The following GPC3 variants were observed in gnomAD, a reference collection of about 807,000 sequenced individuals.
The protein encoded by GPC3 is glypican-3.
Under a neutral mutation model 34.4 loss-of-function variants are expected in GPC3, and 3 were observed. That is an observed-to-expected ratio of 0.09 (90% CI 0.04 to 0.23). The LOEUF (loss-of-function observed/expected upper bound fraction) is 0.23, where lower values mean the gene tolerates loss of function less well. GPC3 is among the 10% of genes least tolerant of loss of function. The pLI is 1.00. For missense variants in GPC3, 351 were observed against 445.6 expected (o/e 0.79, Z 1.91); for synonymous variants, 177 against 174.0 (o/e 1.02, Z -0.13).
At chrX:133,694,216 G>A (rs1438944137) in intron 4 of GPC3, among the ~76,000 whole-genome samples, 1 of 110,939 alleles carries the variant, frequency 9.0e-6, no homozygotes, top group African/African-American at 3.3e-5. Flanking sequence ...GGAGAGAAAG[G>A]GCTCTCAGCA....
At chrX:133,964,389 C>CA (rs1200221699) in intron 1 of GPC3, among the ~76,000 whole-genome samples, 1 of 111,653 alleles carries the variant, frequency 9.0e-6, no homozygotes, top group Non-Finnish European at 1.9e-5. Context: ...ACAGATCCTG[C>CA]AAAAAGGTTT....
At position 133,580,975 on chromosome X, in the gene GPC3, G is replaced by A. The variant is rs1344109632; in HGVS notation, c.1573+15465C>T. On this transcript the variant is annotated intron_variant, in intron 7 of 7. Coordinates refer to ENST00000370818, the MANE Select transcript of GPC3 (RefSeq NM_004484.4). ...AAAATGATTACTGAGCCAACAAAAT[G>A]TAACCTGATATTAGGAGTTCCACTC... Among the ~76,000 whole-genome samples the A allele has an allele frequency of 3.6e-5, 4 of 112,408 alleles. No individual in the cohort carries two copies. The Admixed American group carries it at 3.8e-4, about 11-fold the overall frequency.
In GPC3 at chrX:133,754,123, T is replaced by C. The variant is rs1295553120; in HGVS notation, c.391A>G (p.Lys131Glu). 1.7e-6 allele frequency: 2 copies of C among 1,208,930 alleles called. No individual in the cohort carries two copies. The highest frequency in any genetic ancestry group is 2.2e-6 in the Non-Finnish European group (2 of 893,954). ...GGAGTCAGGCTTGGGTAGTTGTTCT[T>C]GAACATGGCATTGGTGTAGTTCTTG... ...HAKNYTNAMF[K>E]NNYPSLTPQA... The change falls in exon 3 of 8, where the codon AAG (lysine) becomes GAG (glutamate). Residue 131 changes from lysine to glutamate, a missense_variant. By Grantham distance (56) the Lys-to-Glu change is moderately conservative. Transcript: ENST00000370818.
chrX:133,714,211 A>T (rs2071294739), intron 3 of GPC3, among the ~76,000 whole-genome samples: 1 of 111,851 alleles, frequency 8.9e-6, no homozygotes, highest in African/African-American at 3.2e-5. Flanking sequence ...AATTTTCCTC[A>T]GTCAAACCAG....
At chrX:133,893,716 C>T (rs1042240993) in intron 2 of GPC3, among the ~76,000 whole-genome samples, 1 of 111,619 alleles carries the variant, frequency 9.0e-6, no homozygotes, top group African/African-American at 3.3e-5. Context: ...TCATGTCAGA[C>T]GATGTAAGTG....
At chrX:133,785,847 C>T (rs1013939312) in intron 2 of GPC3, among the ~76,000 whole-genome samples, 2 of 111,993 alleles carry the variant, frequency 1.8e-5, no homozygotes, top group African/African-American at 3.3e-5. Flanking sequence ...TAAAGTTCAA[C>T]GTATTGTTTC....
At chrX:133,764,641 G>A (rs1348633461) in intron 2 of GPC3, among the ~76,000 whole-genome samples, 1 of 111,878 alleles carries the variant, frequency 8.9e-6, no homozygotes, top group East Asian at 2.8e-4. Flanking sequence ...ACAGAACAGC[G>A]TAGGAGAATC....
chrX:133,575,555 TGG>T (rs2069671297), intron 7 of GPC3, among the ~76,000 whole-genome samples: 1 of 111,871 alleles, frequency 8.9e-6, no homozygotes, highest in Non-Finnish European at 1.9e-5. Context: ...TTATTTTAGC[TGG>T]GGCACTGGAC....
chrX:133,746,323 G>C (rs946937709), intron 3 of GPC3, among the ~76,000 whole-genome samples: 4 of 112,059 alleles, frequency 3.6e-5, no homozygotes, highest in African/African-American at 1.3e-4. Context: ...TAAAAATTCA[G>C]AACATATAAG....
chrX:133,961,703 T>C (rs955294941), intron 1 of GPC3, among the ~76,000 whole-genome samples: 1 of 111,906 alleles, frequency 8.9e-6, no homozygotes, highest in African/African-American at 3.2e-5. Context: ...GAAAATGGAC[T>C]CTCAAATTAA....
At chrX:133,745,171 C>T (rs138752757) in intron 3 of GPC3, among the ~76,000 whole-genome samples, 113 of 112,014 alleles carry the variant, frequency 1.0e-3, no homozygotes, top group African/African-American at 3.5e-3. Context: ...TAAAAAAAGG[C>T]ATTGTTGGCT....
chrX:133,955,472 C>T (rs2076412589), intron 1 of GPC3, among the ~76,000 whole-genome samples: 1 of 111,286 alleles, frequency 9.0e-6, no homozygotes, highest in Admixed American at 9.6e-5. Context: ...CAATAAATCC[C>T]TTGCACATCT....
intron 2 of GPC3, among the ~76,000 whole-genome samples, chrX:133,780,573 T>G (rs2072035866): frequency 1.8e-5 from 2 of 111,553 alleles, no homozygotes; most frequent in Non-Finnish European, 3.8e-5. Flanking sequence ...CTGGTCAGTT[T>G]CATGATAATT....
chrX:133,913,308 G>A (rs1405137922), intron 2 of GPC3, among the ~76,000 whole-genome samples: 1 of 112,087 alleles, frequency 8.9e-6, no homozygotes, highest in African/African-American at 3.2e-5. Flanking sequence ...TGGAACCAAG[G>A]GAAGAGAAAC....
intron 6 of GPC3, among the ~76,000 whole-genome samples, chrX:133,615,426 A>G (rs901377062): frequency 2.7e-5 from 3 of 111,574 alleles, no homozygotes; most frequent in Admixed American, 9.6e-5. Flanking sequence ...ATATTCATAG[A>G]AATATATTAT....
chrX:133,543,720 G>A (rs894402438), intron 7 of GPC3, among the ~76,000 whole-genome samples: 4 of 112,415 alleles, frequency 3.6e-5, no homozygotes, highest in African/African-American at 9.7e-5. Context: ...GGTACATGAA[G>A]CCATCACATG....
intron 7 of GPC3, among the ~76,000 whole-genome samples, chrX:133,554,523 A>T (rs1167526368): frequency 9.1e-6 from 1 of 110,350 alleles, no homozygotes; most frequent in Non-Finnish European, 1.9e-5. Context: ...CACCAGTTTT[A>T]ATCAGTAGTT....
At chrX:133,767,770 G>T (rs1037166431) in intron 2 of GPC3, among the ~76,000 whole-genome samples, 4 of 111,059 alleles carry the variant, frequency 3.6e-5, no homozygotes, top group Non-Finnish European at 7.5e-5. Flanking sequence ...TGGCAGGTGG[G>T]CAGGGGTGGC....
At chrX:133,794,319 C>G (rs754790345) in intron 2 of GPC3, among the ~76,000 whole-genome samples, 4 of 111,789 alleles carry the variant, frequency 3.6e-5, no homozygotes, top group Admixed American at 9.5e-5. Context: ...AAACACAGAA[C>G]AGAGCAGGGC....
Sources: allele counts gnomAD v4.1 joint callset (sites outside exome capture counted in the v4.1 genomes callset), GRCh38; gene constraint gnomAD v4.1.1; transcripts MANE v1.5; gene names NCBI Gene and HGNC (gene_info 2026-07-23, HGNC 2026-07-21).